The following WWOX variants were observed in gnomAD, a reference collection of about 807,000 sequenced individuals.
The protein encoded by WWOX is WW domain containing oxidoreductase.
WWOX carries 69 observed loss-of-function variants against 46.2 expected under a neutral mutation model. The ratio of observed to expected loss-of-function variants is 1.49; its 90% CI spans 1.23 to 1.82. The LOEUF (loss-of-function observed/expected upper bound fraction) is 1.82. Ranked by LOEUF, WWOX falls within the 40% of genes most tolerant of loss-of-function variation. The probability of loss-of-function intolerance (pLI) is 0.00; values close to 1 mark genes in which losing one functional copy is unlikely to be tolerated. For missense variants in WWOX, 919 were observed against 542.6 expected (o/e 1.69, Z -6.89); for synonymous variants, 359 against 202.6 (o/e 1.77, Z -6.56).
intron 8 of WWOX, among the ~76,000 whole-genome samples, chr16:78,564,724 C>A (rs904645353): frequency 2.6e-5 from 4 of 152,338 alleles, no homozygotes; most frequent in African/African-American, 9.6e-5. Flanking sequence ...TAAAGTCATA[C>A]AACCATATGG....
intron 8 of WWOX, among the ~76,000 whole-genome samples, chr16:78,602,468 G>T (rs890871750): frequency 6.6e-6 from 1 of 152,138 alleles, no homozygotes; most frequent in Admixed American, 6.5e-5. Context: ...TCCTGCCCTT[G>T]TGATCCACCC....
chr16:78,378,952 G>A (rs2081891911), intron 5 of WWOX, among the ~76,000 whole-genome samples: 1 of 152,076 alleles, frequency 6.6e-6, no homozygotes. Flanking sequence ...ATGACGACAG[G>A]GGAACAGCCC....
intron 8 of WWOX, among the ~76,000 whole-genome samples, chr16:79,185,342 C>T (rs1381072825): frequency 6.6e-6 from 1 of 152,188 alleles, no homozygotes; most frequent in African/African-American, 2.4e-5. Context: ...TGGTGGCAGG[C>T]AGTTCATCTT....
intron 8 of WWOX, among the ~76,000 whole-genome samples, chr16:79,010,613 G>C (rs1597272221): frequency 6.6e-6 from 1 of 152,120 alleles, no homozygotes; most frequent in Non-Finnish European, 1.5e-5. Flanking sequence ...GCAGGGAGTG[G>C]TATGAAACAA....
chr16:79,013,637 G>C (rs985560818), intron 8 of WWOX, among the ~76,000 whole-genome samples: 3 of 152,034 alleles, frequency 2.0e-5, no homozygotes, highest in East Asian at 1.9e-4. Context: ...CCTGGGTCCC[G>C]GGTCTCCTCG....
At chr16:78,901,305 G>A (rs571514791) in intron 8 of WWOX, among the ~76,000 whole-genome samples, 8 of 152,320 alleles carry the variant, frequency 5.3e-5, no homozygotes, top group Admixed American at 2.0e-4. Context: ...GTGAAAATAA[G>A]ACTATGTCAT....
At chr16:78,844,805 T>G (rs937213110) in intron 8 of WWOX, among the ~76,000 whole-genome samples, 3 of 152,212 alleles carry the variant, frequency 2.0e-5, no homozygotes, top group Admixed American at 6.5e-5. Context: ...CAGAGTTGGC[T>G]GGGGCACAGT....
intron 5 of WWOX, among the ~76,000 whole-genome samples, chr16:78,334,734 TG>T (rs1392067284): frequency 6.6e-6 from 1 of 151,394 alleles, no homozygotes; most frequent in Admixed American, 6.6e-5. Flanking sequence ...CTAACCCATA[TG>T]GGAGAAATTT....
At chr16:78,115,882 T>C (rs967640399) in intron 4 of WWOX, among the ~76,000 whole-genome samples, 1 of 152,222 alleles carries the variant, frequency 6.6e-6, no homozygotes, top group Non-Finnish European at 1.5e-5. Context: ...TGTCGACATA[T>C]GAAACGTTGC....
At chr16:78,358,734 A>C (rs2151911795) in intron 5 of WWOX, among the ~76,000 whole-genome samples, 1 of 152,174 alleles carries the variant, frequency 6.6e-6, no homozygotes, top group South Asian at 2.1e-4. Flanking sequence ...AAAATATACA[A>C]ATGAGTTGAA....
intron 8 of WWOX, among the ~76,000 whole-genome samples, chr16:78,910,473 G>GT (rs1567642628): frequency 6.6e-6 from 1 of 150,476 alleles, no homozygotes; most frequent in Non-Finnish European, 1.5e-5. Context: ...ACAGTGTGGT[G>GT]TTTCATGTTA....
intron 8 of WWOX, among the ~76,000 whole-genome samples, chr16:78,694,214 A>AAAAAT (rs952856966): frequency 2.0e-5 from 3 of 152,204 alleles, no homozygotes; most frequent in Admixed American, 6.5e-5. Context: ...CTGTGTCTCA[A>AAAAAT]AAAATAAAAT....
chr16:79,119,513 CA>C (rs1342854265), intron 8 of WWOX, among the ~76,000 whole-genome samples: 2 of 152,148 alleles, frequency 1.3e-5, no homozygotes, highest in Non-Finnish European at 2.9e-5. Context: ...TGGATTGAAG[CA>C]AATGAGTGAC....
intron 5 of WWOX, among the ~76,000 whole-genome samples, chr16:78,381,105 C>T (rs745597240): frequency 6.6e-6 from 1 of 152,184 alleles, no homozygotes; most frequent in Non-Finnish European, 1.5e-5. Flanking sequence ...GGCAGCCTGG[C>T]TCTGGTGTCT....
intron 8 of WWOX, among the ~76,000 whole-genome samples, chr16:78,943,731 C>T (rs926685558): frequency 6.6e-6 from 1 of 152,114 alleles, no homozygotes; most frequent in African/African-American, 2.4e-5. Context: ...AAAAGGTAGC[C>T]CTGCCAAGAC....
chr16:78,596,296 C>G lies in WWOX; in HGVS notation c.1056+163544C>G, dbSNP rs192727148. On this transcript the variant is annotated intron_variant, in intron 8 of 8. Coordinates refer to ENST00000566780, the MANE Select transcript of WWOX (RefSeq NM_016373.4). Reference sequence around the variant, plus strand: ...CAATAGAAACGTTTTGAGATCCTGTCTGGCTGGGTTCTGCTAGGCCTGGGT... The same window carrying G: ...CAATAGAAACGTTTTGAGATCCTGTGTGGCTGGGTTCTGCTAGGCCTGGGT... 2.3e-4 allele frequency among the ~76,000 whole-genome samples: 35 copies of G among 152,272 alleles called. No individual in the cohort carries two copies. In the East Asian group the frequency reaches 5.8e-3, roughly 25 times the overall value.
chr16:79,077,547 C>T (rs747843194), intron 8 of WWOX: 1 of 151,920 alleles, frequency 6.6e-6, no homozygotes, highest in African/African-American at 2.4e-5. Context: ...TTGTGAGGCT[C>T]ATTGCTTACA....
chr16:78,125,695 C>A (rs1049078670), intron 4 of WWOX, among the ~76,000 whole-genome samples: 2 of 152,134 alleles, frequency 1.3e-5, no homozygotes, highest in African/African-American at 4.8e-5. Context: ...GACCCCATCT[C>A]TACCAAATCA....
At chr16:78,793,882 C>G (rs1182291274) in intron 8 of WWOX, among the ~76,000 whole-genome samples, 1 of 151,584 alleles carries the variant, frequency 6.6e-6, no homozygotes, top group East Asian at 1.9e-4. Flanking sequence ...TCAAGACCTC[C>G]TCATCTCTAC....
Sources: allele counts gnomAD v4.1 joint callset (sites outside exome capture counted in the v4.1 genomes callset), GRCh38; gene constraint gnomAD v4.1.1; transcripts MANE v1.5; gene names NCBI Gene and HGNC (gene_info 2026-07-23, HGNC 2026-07-21).